Variants in SEC61A2 observed in about 807,000 individuals in gnomAD.
SEC61A2 encodes protein transport protein Sec61 subunit alpha isoform 2.
SEC61A2 carries 28 observed loss-of-function variants against 59.9 expected under a neutral mutation model. That is an observed-to-expected ratio of 0.47 (90% CI 0.35 to 0.64). SEC61A2 has a LOEUF of 0.64. SEC61A2 is among the 30% of genes least tolerant of loss of function. The pLI is 0.01. For synonymous variants in SEC61A2, 202 were observed against 214.4 expected, an observed-to-expected ratio of 0.94 and a Z score of 0.50; for missense variants, 340 against 585.9, an observed-to-expected ratio of 0.58 and a Z score of 4.33.
chr10:12,137,639 T>C (rs1385612934), intron 3 of SEC61A2, among the ~76,000 whole-genome samples: 1 of 152,154 alleles, frequency 6.6e-6, no homozygotes, highest in African/African-American at 2.4e-5. Flanking sequence ...TGCAGACATA[T>C]TAAGTTCACA....
rs1486474979 is a variant in SEC61A2, at chr10:12,143,606, AC to A, written c.220+413del. On this transcript the variant is annotated intron_variant, in intron 4 of 11. Transcript: ENST00000298428. The surrounding 1 kb of genome is among the most constrained non-coding windows in gnomAD (Gnocchi z 4.8). ...AAAAATTAGCCAGGTGTGGGTATGCACCTGTAATCCCAGCTACTCAGGAGGC... is the reference window on the plus strand; with the variant it reads ...AAAAATTAGCCAGGTGTGGGTATGCACTGTAATCCCAGCTACTCAGGAGGC... Among the ~76,000 whole-genome samples, 1 of 152,080 alleles carries A rather than the reference AC, an allele frequency of 6.6e-6. No individual in the cohort carries two copies. The highest frequency in any genetic ancestry group is 1.5e-5 in the Non-Finnish European group (1 of 67,994).
At chr10:12,134,250 G>A (rs766378334) in intron 2 of SEC61A2, among the ~76,000 whole-genome samples, 295 of 152,176 alleles carry the variant, frequency 1.9e-3, no homozygotes, top group Non-Finnish European at 2.6e-3. Flanking sequence ...CTTGTGATCT[G>A]CCCGCCTCAG....
downstream of SEC61A2, among the ~76,000 whole-genome samples, chr10:12,168,652 G>A (rs1343096910): frequency 6.6e-6 from 1 of 152,150 alleles, no homozygotes; most frequent in African/African-American, 2.4e-5. This position sits in a 1 kb window ranked among gnomAD's most constrained non-coding sequence, Gnocchi z 4.8. Flanking sequence ...GCTTGTTTGG[G>A]AACAAGCCTG....
chr10:12,151,483 T>G (rs893536576), intron 6 of SEC61A2, among the ~76,000 whole-genome samples: 4 of 150,768 alleles, frequency 2.7e-5, no homozygotes, highest in Non-Finnish European at 4.4e-5. Context: ...ACCTAATTTT[T>G]GTATTTTTAG....
At chr10:12,134,399 A>G (rs1289834956) in intron 2 of SEC61A2, among the ~76,000 whole-genome samples, 1 of 152,218 alleles carries the variant, frequency 6.6e-6, no homozygotes. Context: ...TCTATAAAAT[A>G]TTCATATGGC....
chr10:12,166,934 A>T (rs1265114094), downstream of SEC61A2: 1 of 279,750 alleles, frequency 3.6e-6, no homozygotes, highest in Non-Finnish European at 7.4e-6. Flanking sequence ...ATGGTTTAAC[A>T]TCAAGATATT....
rs1379430797 is a variant in SEC61A2 at position 12,160,964 on chromosome 10, C to T, written c.1010C>T (p.Pro337Leu). The change falls in exon 10 of 12, where the codon CCA becomes CTA. Residue 337 changes from proline (P) to leucine (L), a missense_variant. Coordinates refer to ENST00000298428, the MANE Select transcript of SEC61A2 (RefSeq NM_018144.4). The surrounding 1 kb of genome is among the most constrained non-coding windows in gnomAD (Gnocchi z 4.1). ...GGGGGAGGACCCGCACGTTCTTACC[C>T]AGTTGGAGGCCTTTGTTACTATCTT... Reference protein sequence around the residue: ...VSGGGPARSYPVGGLCYYLSP... With the variant: ...VSGGGPARSYLVGGLCYYLSP... 1 of 1,613,988 alleles carries T rather than the reference C, an allele frequency of 6.2e-7. No individual in the cohort carries two copies. The highest frequency in any genetic ancestry group is 2.2e-5 in the East Asian group (1 of 44,880).
In SEC61A2 at chr10:12,145,152, T is replaced by A. The variant is rs909989535; in HGVS notation, c.220+1957T>A. On this transcript the variant is annotated intron_variant, in intron 4 of 11. Coordinates refer to ENST00000298428, the MANE Select transcript of SEC61A2 (RefSeq NM_018144.4). The surrounding 1 kb of genome is among the most constrained non-coding windows in gnomAD (Gnocchi z 4.4). ...TTGCAGATGTATCTAAGTCAGATCATGAAGGGCTTGGAGACCGTTGGATGG... is the reference window on the plus strand; with the variant it reads ...TTGCAGATGTATCTAAGTCAGATCAAGAAGGGCTTGGAGACCGTTGGATGG... Among the ~76,000 whole-genome samples the A allele has an allele frequency of 6.6e-6, 1 of 152,106 alleles. No individual in the cohort carries two copies. Among genetic ancestry groups the A allele is most frequent in the Non-Finnish European group, 1.5e-5 (1 of 68,002 alleles).
rs1213074603 is a variant in SEC61A2, at chr10:12,158,259, T to G, written c.975+154T>G. ...GAGTTTAGTACTTATCTGGAAGAAC[T>G]GGTAAGTGTTGCAGAAGTAAGATTG... is the stretch of plus-strand genomic sequence containing the variant. On this transcript the variant is annotated intron_variant, in intron 9 of 11. Transcript: ENST00000298428. This position sits in a 1 kb window ranked among gnomAD's most constrained non-coding sequence, Gnocchi z 5.7. 1.6e-6 allele frequency: 1 copy of G among 633,452 alleles called. No homozygotes were observed. The highest frequency in any genetic ancestry group is 2.6e-6 in the Non-Finnish European group (1 of 377,780). 39.2% of individuals were successfully genotyped at this position (633,452 alleles called of 1,614,324 possible). A position where few individuals can be genotyped will look rare whatever the true frequency, so the allele number is the denominator to read the frequency against.
chr10:12,134,194 A>C (rs1833829329), intron 2 of SEC61A2, among the ~76,000 whole-genome samples: 1 of 152,112 alleles, frequency 6.6e-6, no homozygotes, highest in African/African-American at 2.4e-5. Context: ...TTTTTAGTAG[A>C]GACGGGGTTT....
chr10:12,131,299 G>C (rs1393028657), intron 1 of SEC61A2, among the ~76,000 whole-genome samples: 2 of 152,178 alleles, frequency 1.3e-5, no homozygotes, highest in Non-Finnish European at 2.9e-5. Flanking sequence ...ACAATTTTGG[G>C]ATGTTGGTAT....
At chr10:12,130,537 G>A (rs1833709393) in intron 1 of SEC61A2, among the ~76,000 whole-genome samples, 1 of 152,146 alleles carries the variant, frequency 6.6e-6, no homozygotes, top group Non-Finnish European at 1.5e-5. Context: ...TGCATCACAA[G>A]GATAGACAGG....
Position 12,149,866 on chromosome 10 carries a change from AT to A in SEC61A2, c.369del (p.Thr124ProfsTer10), listed in dbSNP as rs764518881. 1 of 1,614,002 alleles carries A rather than the reference AT, an allele frequency of 6.2e-7. No homozygotes were observed. Among genetic ancestry groups the A allele is most frequent in the Admixed American group, 1.7e-5 (1 of 60,006 alleles). On this transcript the variant is annotated frameshift_variant, in exon 6 of 12. Transcript: ENST00000298428. LOFTEE classifies it high-confidence loss of function. This position sits in a 1 kb window ranked among gnomAD's most constrained non-coding sequence, Gnocchi z 5.2. ...NGAQKLFGMI[I>X]TIGQAIVYVM... ...ACTTTCATCAGTGTTTGGTATGATC[AT>A]TACCATTGGGCAAGCCATTGTGTAT...
At chr10:12,157,502 ATTT>A (rs35428328) in intron 8 of SEC61A2, among the ~76,000 whole-genome samples, 2 of 111,060 alleles carry the variant, frequency 1.8e-5, no homozygotes, top group African/African-American at 3.7e-5. Context: ...CGCCCGGCTA[ATTT>A]TTTTTTTTTT....
downstream of SEC61A2, chr10:12,167,667 C>A: frequency 1.3e-6 from 2 of 1,598,184 alleles, no homozygotes; most frequent in East Asian, 2.2e-5. Context: ...GCCTGGTGGT[C>A]TCGTTTACAA....
chr10:12,147,870 C>CT (rs1462432986), intron 4 of SEC61A2, among the ~76,000 whole-genome samples: 1 of 151,500 alleles, frequency 6.6e-6, no homozygotes, highest in African/African-American at 2.4e-5. Flanking sequence ...TTGATTAAGT[C>CT]TATTTCTGGA....
Position 12,155,361 on chromosome 10 carries a change from C to T in SEC61A2, c.463-417C>T. On this transcript the variant is annotated intron_variant, in intron 6 of 11. Coordinates refer to ENST00000298428, the MANE Select transcript of SEC61A2 (RefSeq NM_018144.4). This position sits in a 1 kb window ranked among gnomAD's most constrained non-coding sequence, Gnocchi z 4.3. Reference sequence around the variant, plus strand: ...CTTTGATGGCAGTGTACATTTCCATCTTGCTATTATACCAGAATTCATCTG... The same window carrying T: ...CTTTGATGGCAGTGTACATTTCCATTTTGCTATTATACCAGAATTCATCTG... 1 of 1,577,316 alleles carries T rather than the reference C, an allele frequency of 6.3e-7. No individual in the cohort carries two copies. The highest frequency in any genetic ancestry group is 8.6e-7 in the Non-Finnish European group (1 of 1,164,858).
rs576645019 is a variant in SEC61A2 at position 12,154,425 on chromosome 10, C to T, written c.463-1353C>T. 2.0e-5 allele frequency among the ~76,000 whole-genome samples: 3 copies of T among 152,210 alleles called. No individual in the cohort carries two copies. Among genetic ancestry groups the T allele is most frequent in the South Asian group, 4.1e-4 (2 of 4,822 alleles). On this transcript the variant is annotated intron_variant, in intron 6 of 11. Transcript: ENST00000298428. This position sits in a 1 kb window ranked among gnomAD's most constrained non-coding sequence, Gnocchi z 5.2. ...AGAGGTCATTTCTCAAGGCCCATCA[C>T]GATGCTTTCTGTGGCTGATGTTCAT...
At chr10:12,131,369 G>C (rs938065048) in intron 1 of SEC61A2, among the ~76,000 whole-genome samples, 4 of 152,126 alleles carry the variant, frequency 2.6e-5, no homozygotes, top group Non-Finnish European at 4.4e-5. Flanking sequence ...ACCTAGCTGC[G>C]GCTTGTCTTT....
Sources: allele counts gnomAD v4.1 joint callset (sites outside exome capture counted in the v4.1 genomes callset), GRCh38; gene constraint gnomAD v4.1.1; non-coding constraint Gnocchi (gnomAD v3.1); transcripts MANE v1.5; gene names NCBI Gene and HGNC (gene_info 2026-07-23, HGNC 2026-07-21).